Variants in PTPRN2 observed in about 807,000 individuals in gnomAD.
PTPRN2 encodes the protein protein tyrosine phosphatase receptor type N2.
PTPRN2 carries 74 observed loss-of-function variants against 118.8 expected under a neutral mutation model. The ratio of observed to expected loss-of-function variants is 0.62; its 90% confidence interval spans 0.52 to 0.76. The LOEUF (loss-of-function observed/expected upper bound fraction) is 0.76. PTPRN2 is among the 30% of genes least tolerant of loss of function. The pLI is 0.00. For missense variants in PTPRN2, 1,481 were observed against 1,394.4 expected (o/e 1.06, Z -0.99); for synonymous variants, 641 against 608.0 (o/e 1.05, Z -0.80).
At chr7:157,569,617 G>C (rs916254569) in intron 20 of PTPRN2, among the ~76,000 whole-genome samples, 5 of 152,184 alleles carry the variant, frequency 3.3e-5, no homozygotes, top group Non-Finnish European at 5.9e-5. Context: ...AAAATGTTTT[G>C]AATAATACTT....
In PTPRN2 at chr7:158,136,644, C is replaced by A. The variant is rs369414705; in HGVS notation, c.1173+11G>T. 2 of 1,611,322 alleles carry A rather than the reference C, an allele frequency of 1.2e-6. No individual in the cohort carries two copies. The highest frequency in any genetic ancestry group is 8.5e-7 in the Non-Finnish European group (1 of 1,177,538). ...TTTAACATGAAACAAACACCAGAGACGTCATCTTACCTCTTGGTAAAGTCT... is the reference window on the plus strand; with the variant it reads ...TTTAACATGAAACAAACACCAGAGAAGTCATCTTACCTCTTGGTAAAGTCT... On this transcript the variant is annotated intron_variant, in intron 8 of 22. Coordinates refer to ENST00000389418, the MANE Select transcript of PTPRN2 (RefSeq NM_002847.5).
chr7:158,406,784 G>GT (rs1237365191), intron 2 of PTPRN2, among the ~76,000 whole-genome samples: 9 of 152,162 alleles, frequency 5.9e-5, no homozygotes, highest in Non-Finnish European at 1.2e-4. Flanking sequence ...TCCTGATTTT[G>GT]TTTTTTTGTA....
chr7:158,526,050 C>T lies in PTPRN2; in HGVS notation c.113-36265G>A, dbSNP rs1451735364. Among the ~76,000 whole-genome samples the T allele has an allele frequency of 6.6e-6, 1 of 152,218 alleles. No homozygotes were observed. Among genetic ancestry groups the T allele is most frequent in the Non-Finnish European group, 1.5e-5 (1 of 68,022 alleles). On this transcript the variant is annotated intron_variant, in intron 1 of 22. Coordinates refer to ENST00000389418, the MANE Select transcript of PTPRN2 (RefSeq NM_002847.5). This position sits in a 1 kb window ranked among gnomAD's most constrained non-coding sequence, Gnocchi z 5.2. ...TCCCCTCTGGCTGGCATTGTGCAGT[C>T]CTTCCTTCCTCAGCAGCGCTGTGTG...
At chr7:158,486,931 C>A (rs1168798861) in intron 2 of PTPRN2, among the ~76,000 whole-genome samples, 2 of 152,232 alleles carry the variant, frequency 1.3e-5, no homozygotes, top group African/African-American at 2.4e-5. Context: ...AACACTGACA[C>A]CCCAACTGTC....
At chr7:158,355,205 C>A (rs965770895) in intron 2 of PTPRN2, among the ~76,000 whole-genome samples, 1 of 152,150 alleles carries the variant, frequency 6.6e-6, no homozygotes, top group African/African-American at 2.4e-5. Flanking sequence ...AAAAATACAT[C>A]GAATGGGGCA....
Position 157,737,641 on chromosome 7 carries a change from G to A in PTPRN2, c.1789-54704C>T, listed in dbSNP as rs543952868. On this transcript the variant is annotated intron_variant, in intron 12 of 22. Coordinates refer to ENST00000389418, the MANE Select transcript of PTPRN2 (RefSeq NM_002847.5). ...ACGGTCCTGAGTTGAGCTCCAGAGT[G>A]TTCCCCTACAGGGAGGGGTTTGCTT... Among the ~76,000 whole-genome samples the A allele has an allele frequency of 4.6e-5, 7 of 152,374 alleles. No individual in the cohort carries two copies. In the South Asian group the frequency reaches 1.2e-3, roughly 27 times the overall value.
intron 22 of PTPRN2, among the ~76,000 whole-genome samples, chr7:157,542,697 C>T (rs777968094): frequency 5.9e-5 from 9 of 152,220 alleles, no homozygotes; most frequent in Non-Finnish European, 1.2e-4. Context: ...AACCGGGCCA[C>T]AGAGACAGGT....
intron 17 of PTPRN2, among the ~76,000 whole-genome samples, chr7:157,584,427 G>GT (rs1563233950): frequency 6.6e-6 from 1 of 152,114 alleles, no homozygotes; most frequent in Non-Finnish European, 1.5e-5. Context: ...GGATATTTAT[G>GT]TAAAAAAAAA....
At chr7:158,405,868 C>T (rs1049755089) in intron 2 of PTPRN2, among the ~76,000 whole-genome samples, 3 of 146,756 alleles carry the variant, frequency 2.0e-5, no homozygotes, top group Non-Finnish European at 4.5e-5. Flanking sequence ...GTGGCTCATC[C>T]GTGAGACACG....
chr7:158,081,351 T>G lies in PTPRN2; in HGVS notation c.1670A>C (p.Lys557Thr). 1 of 1,614,186 alleles carries G rather than the reference T, an allele frequency of 6.2e-7. No individual in the cohort carries two copies. Among genetic ancestry groups the G allele is most frequent in the African/African-American group, 1.3e-5 (1 of 75,046 alleles). ...CACGTTTTGGACATTGGCGCTCACT[T>G]TGAAGGTCACTGCTGGTCCGAGAAC... Reference protein sequence around the residue: ...VEVLGPAVTFKVSANVQNVTT... With the variant: ...VEVLGPAVTFTVSANVQNVTT... The change falls in exon 11 of 23, where the codon AAA becomes ACA. Residue 557 changes from lysine (K) to threonine (T), a missense_variant. Physicochemically the swap from Lys to Thr is moderately conservative, Grantham distance 78 (BLOSUM62 -1). Around this residue, in one of 3 missense-constraint regions of PTPRN2, gnomAD observed 1,115 missense variants for 994.2 expected, o/e 1.12. Coordinates refer to ENST00000389418, the MANE Select transcript of PTPRN2 (RefSeq NM_002847.5).
intron 12 of PTPRN2, among the ~76,000 whole-genome samples, chr7:157,891,084 G>A (rs1384849596): frequency 6.6e-6 from 1 of 152,178 alleles, no homozygotes; most frequent in Admixed American, 6.5e-5. Context: ...ACACCTGGGT[G>A]TGCAGAACCA....
chr7:158,217,363 T>G (rs991672593), intron 3 of PTPRN2, among the ~76,000 whole-genome samples: 5 of 152,146 alleles, frequency 3.3e-5, no homozygotes, highest in Admixed American at 1.3e-4. Flanking sequence ...CTCGGCCCTA[T>G]GAAAAAATTC....
At chr7:158,423,019 A>G (rs1360724742) in intron 2 of PTPRN2, among the ~76,000 whole-genome samples, 1 of 152,272 alleles carries the variant, frequency 6.6e-6, no homozygotes, top group Non-Finnish European at 1.5e-5. Flanking sequence ...GATAGGAACC[A>G]TGGCCGATAA....
intron 1 of PTPRN2, among the ~76,000 whole-genome samples, chr7:158,491,133 G>C (rs773496391): frequency 3.9e-5 from 6 of 152,236 alleles, no homozygotes; most frequent in South Asian, 2.1e-4. Flanking sequence ...CAGCACGTGC[G>C]GAGGCTTTAA....
At chr7:157,862,366 G>T (rs1810305086) in intron 12 of PTPRN2, among the ~76,000 whole-genome samples, 1 of 152,214 alleles carries the variant, frequency 6.6e-6, no homozygotes, top group Non-Finnish European at 1.5e-5. Context: ...TTGAGCCCAC[G>T]GCTAGGGGAT....
intron 3 of PTPRN2, among the ~76,000 whole-genome samples, chr7:158,267,245 G>A (rs1442799212): frequency 3.3e-5 from 5 of 152,232 alleles, no homozygotes; most frequent in Admixed American, 6.5e-5. Flanking sequence ...GAGGCACTGT[G>A]AGCACACGGG....
In PTPRN2 at chr7:157,678,310, G is replaced by C. The variant is rs569694078; in HGVS notation, c.2001+4415C>G. On this transcript the variant is annotated intron_variant, in intron 13 of 22. Coordinates refer to ENST00000389418, the MANE Select transcript of PTPRN2 (RefSeq NM_002847.5). ...GAAAAGGCTTTGTTAAAAACTTCTG[G>C]TGGGGTCAAGTAAACCTCAGTAAAA... is the stretch of plus-strand genomic sequence containing the variant. 2.0e-5 allele frequency among the ~76,000 whole-genome samples: 3 copies of C among 152,298 alleles called. No homozygotes were observed. In the South Asian group the frequency reaches 6.2e-4, roughly 32 times the overall value.
chr7:158,206,789 C>CT (rs542788876), intron 3 of PTPRN2, among the ~76,000 whole-genome samples: 271 of 141,874 alleles, frequency 1.9e-3, no homozygotes, highest in East Asian at 4.8e-3. Context: ...AAAGTCTTTT[C>CT]TTTTTTTTTT....
intron 2 of PTPRN2, among the ~76,000 whole-genome samples, chr7:158,357,920 G>C (rs1237712721): frequency 6.6e-6 from 1 of 152,220 alleles, no homozygotes; most frequent in African/African-American, 2.4e-5. Context: ...GGCAAAGTAG[G>C]GGACACACTT....
Sources: gnomAD v4.1 joint callset for allele counts (sites outside exome capture counted in the v4.1 genomes callset) on GRCh38, gnomAD v4.1.1 for gene constraint, gnomAD v4.1.1 regional missense constraint, Gnocchi (gnomAD v3.1) non-coding constraint, MANE v1.5 for transcripts, NCBI Gene and HGNC (gene_info 2026-07-23, HGNC 2026-07-21) for gene names.